Variants in HIVEP1 observed in about 807,000 individuals in gnomAD.
The protein encoded by HIVEP1 is zinc finger protein 40.
In HIVEP1, 36 loss-of-function variants were observed where a neutral mutation model predicts 180.0. That is an observed-to-expected ratio of 0.20 (90% CI 0.15 to 0.26). The LOEUF is 0.26. Ranked by LOEUF, HIVEP1 falls within the 10% of genes least tolerant of loss-of-function variation. The pLI, the probability that HIVEP1 is intolerant of heterozygous loss-of-function variation, is 1.00. For missense variants in HIVEP1, 3,143 were observed against 3,268.7 expected, an observed-to-expected ratio of 0.96 and a Z score of 0.94; for synonymous variants, 1,239 against 1,239.0, an observed-to-expected ratio of 1.00 and a Z score of 0.00.
In HIVEP1 at chr6:12,164,334, G is replaced by C; in HGVS notation, c.8030G>C (p.Gly2677Ala). The C allele has an allele frequency of 5.0e-6, 8 of 1,614,012 alleles. No homozygotes were observed. The highest frequency in any genetic ancestry group is 5.9e-6 in the Non-Finnish European group (7 of 1,180,006). ...TCTGAAGTTTTTACAAAGCCCTCAG[G>C]CCAGCAGACTCTCTCTCCAGACAGA... Reference protein sequence around the residue: ...AHSEVFTKPSGQQTLSPDRQV... With the variant: ...AHSEVFTKPSAQQTLSPDRQV... The change falls in exon 9 of 9, where the codon GGC becomes GCC. Residue 2677 changes from glycine (G) to alanine (A), a missense_variant. Transcript: ENST00000379388.
At chr6:12,166,039 A>G (rs1003469551), downstream of HIVEP1, among the ~76,000 whole-genome samples, 1 of 152,216 alleles carries the variant, frequency 6.6e-6, no homozygotes, top group African/African-American at 2.4e-5. Context: ...TCTCAAAAAC[A>G]ATAAAACTAC....
At chr6:12,089,404 C>T (rs1231856512) in intron 3 of HIVEP1, among the ~76,000 whole-genome samples, 167 bp downstream of exon 3, 1 of 152,070 alleles carries the variant, frequency 6.6e-6, no homozygotes, top group Non-Finnish European at 1.5e-5. Flanking sequence ...CTTCATGAAA[C>T]ATTTTAGCCA....
In HIVEP1 at chr6:12,124,705, C is replaced by T; in HGVS notation, c.4910C>T (p.Pro1637Leu). ...AAGGTGCCATCATCATTCATGCTGCCCATACGCCTGCAGAGTAGTGTTCCT... is the reference window on the plus strand; with the variant it reads ...AAGGTGCCATCATCATTCATGCTGCTCATACGCCTGCAGAGTAGTGTTCCT... ...VQKVPSSFML[P>L]IRLQSSVPAY... The change falls in exon 4 of 9, where the codon CCC (proline) becomes CTC (leucine). Residue 1637 changes from proline to leucine, a missense_variant. Transcript: ENST00000379388. 1 of 1,614,148 alleles carries T rather than the reference C, an allele frequency of 6.2e-7. No homozygotes were observed. Among genetic ancestry groups the T allele is most frequent in the Non-Finnish European group, 8.5e-7 (1 of 1,180,016 alleles).
At chr6:12,047,935 T>A (rs1284027268) in intron 2 of HIVEP1, among the ~76,000 whole-genome samples, 1 of 152,244 alleles carries the variant, frequency 6.6e-6, no homozygotes, top group Non-Finnish European at 1.5e-5. Context: ...CCCTCCTTGC[T>A]TTTCACATCT....
intron 2 of HIVEP1, among the ~76,000 whole-genome samples, chr6:12,077,369 C>T (rs756000545): frequency 2.4e-4 from 37 of 152,282 alleles, no homozygotes; most frequent in African/African-American, 3.1e-4. Context: ...TCCAGAGGGA[C>T]GCTTTGTTCA....
chr6:12,194,757 G>A, the HIVEP1 span, among the ~76,000 whole-genome samples: 21 of 152,196 alleles, frequency 1.4e-4, no homozygotes, highest in South Asian at 1.0e-3. Context: ...AGCAGAGATC[G>A]CGCCACTGCA....
At chr6:12,127,460 T>G (rs1758156467) in intron 4 of HIVEP1, among the ~76,000 whole-genome samples, 2 of 152,168 alleles carry the variant, frequency 1.3e-5, no homozygotes. Context: ...TCCTGAAGTG[T>G]TTGTGGAGAA....
chr6:12,211,718 A>T, the HIVEP1 span, among the ~76,000 whole-genome samples: 1 of 152,068 alleles, frequency 6.6e-6, no homozygotes. Context: ...CATCTCCCCA[A>T]GGAAAAAAAA....
At chr6:12,034,915 T>C (rs368855995) in intron 2 of HIVEP1, among the ~76,000 whole-genome samples, 3 of 152,184 alleles carry the variant, frequency 2.0e-5, no homozygotes, top group African/African-American at 7.2e-5. Context: ...GTGCAGGATC[T>C]CAACGAAAAT....
intron 2 of HIVEP1, among the ~76,000 whole-genome samples, chr6:12,069,245 C>T (rs1352242901): frequency 1.3e-5 from 2 of 152,136 alleles, no homozygotes; most frequent in Admixed American, 1.3e-4. Flanking sequence ...TAGGCAATTA[C>T]AGCACAGTGG....
downstream of HIVEP1, among the ~76,000 whole-genome samples, chr6:12,168,197 T>TATCTGTATTATATAG (rs1444526997): frequency 1.0e-5 from 1 of 96,470 alleles, no homozygotes; most frequent in Non-Finnish European, 2.1e-5. Flanking sequence ...TATACGTGTA[T>TATCTGTATTATATAG]ATATACATAT....
chr6:12,089,125 A>T, intron 2 of HIVEP1, 59 bp from the exon 3 acceptor site: 1 of 918,232 alleles, frequency 1.1e-6, no homozygotes. Flanking sequence ...TGTTTGCTTT[A>T]CTGTACTCTT....
At chr6:12,135,917 A>G (rs1258288956) in intron 7 of HIVEP1, 25 bp downstream of exon 7, 61 of 1,434,058 alleles carry the variant, frequency 4.3e-5, no homozygotes, top group Non-Finnish European at 5.9e-5. Flanking sequence ...CATATTTTTC[A>G]TAAATGCTAT....
Position 12,163,460 on chromosome 6 carries a change from T to C in HIVEP1, c.7156T>C (p.Leu2386=), listed in dbSNP as rs1581815816. ...PHTHLFSHLP[L]HSQQQSRTPY... is the part of the protein sequence containing the mutation. Reference sequence around the variant, plus strand: ...CACTCATTTGTTTAGCCACCTTCCTTTGCATTCCCAGCAGCAATCGAGGAC... The same window carrying C: ...CACTCATTTGTTTAGCCACCTTCCTCTGCATTCCCAGCAGCAATCGAGGAC... The change falls in exon 9 of 9, where the codon TTG becomes CTG. Residue 2386 remains leucine, a synonymous_variant. Transcript: ENST00000379388. 3 of 1,614,142 alleles carry C rather than the reference T, an allele frequency of 1.9e-6. No individual in the cohort carries two copies. The highest frequency in any genetic ancestry group is 2.5e-6 in the Non-Finnish European group (3 of 1,180,020).
At chr6:12,051,523 T>C (rs1770538381) in intron 2 of HIVEP1, among the ~76,000 whole-genome samples, 1 of 152,100 alleles carries the variant, frequency 6.6e-6, no homozygotes, top group African/African-American at 2.4e-5. Context: ...GCCTTTACTA[T>C]GTGTGTGTAT....
intron 6 of HIVEP1, among the ~76,000 whole-genome samples, chr6:12,132,619 C>T (rs1758486618): frequency 6.6e-6 from 1 of 152,138 alleles, no homozygotes; most frequent in African/African-American, 2.4e-5. Context: ...AAATGGTGGA[C>T]AGTCCATAAT....
At chr6:12,009,600 G>A (rs933231092), upstream of HIVEP1, among the ~76,000 whole-genome samples, 7 of 151,676 alleles carry the variant, frequency 4.6e-5, no homozygotes, top group Non-Finnish European at 8.8e-5. Context: ...CCCACGCTGT[G>A]TTTATTTGAT....
At chr6:12,199,861 G>C in the HIVEP1 span, among the ~76,000 whole-genome samples, 1 of 152,150 alleles carries the variant, frequency 6.6e-6, no homozygotes, top group Non-Finnish European at 1.5e-5. Flanking sequence ...GGGTTGTGCT[G>C]GTCTCATCAC....
At chr6:12,147,534 G>GT (rs2113637837) in intron 7 of HIVEP1, among the ~76,000 whole-genome samples, 2 of 151,190 alleles carry the variant, frequency 1.3e-5, no homozygotes, top group South Asian at 2.1e-4. Context: ...TTGTTTGTTT[G>GT]TTTTTTGCTG....
Sources: gnomAD v4.1 joint callset for allele counts (sites outside exome capture counted in the v4.1 genomes callset) on GRCh38, gnomAD v4.1.1 for gene constraint, MANE v1.5 for transcripts, NCBI Gene and HGNC (gene_info 2026-07-23, HGNC 2026-07-21) for gene names.